DCAF6: variants seen among roughly 807,000 people sequenced by gnomAD.
The protein encoded by DCAF6 is DDB1- and CUL4-associated factor 6.
DCAF6 carries 54 observed loss-of-function variants against 125.1 expected under a neutral mutation model. The observed-to-expected ratio is 0.43, with a 90% CI of 0.35 to 0.54. The LOEUF (loss-of-function observed/expected upper bound fraction) is 0.54. Among genes scored for constraint, DCAF6 ranks in the 20% least tolerant of loss-of-function variants. The pLI is 0.01. For synonymous variants in DCAF6, 371 were observed against 390.4 expected (o/e 0.95, Z 0.58); for missense variants, 934 against 1,161.7 (o/e 0.80, Z 2.85).
At chr1:168,000,725 A>G (rs1187957995) in intron 7 of DCAF6, among the ~76,000 whole-genome samples, 1 of 152,154 alleles carries the variant, frequency 6.6e-6, no homozygotes, top group African/African-American at 2.4e-5. Context: ...CATAATACTA[A>G]GTGAAAGAAA....
intron 1 of DCAF6, among the ~76,000 whole-genome samples, chr1:167,943,270 T>C (rs575706831): frequency 1.3e-5 from 2 of 152,194 alleles, no homozygotes; most frequent in Non-Finnish European, 2.9e-5. Flanking sequence ...CCTTTCTATT[T>C]CCATAAAAAT....
intron 17 of DCAF6, among the ~76,000 whole-genome samples, chr1:168,052,383 A>G (rs149365447): frequency 9.2e-5 from 14 of 152,316 alleles, no homozygotes; most frequent in Admixed American, 4.6e-4. Flanking sequence ...ATTATCATGA[A>G]CTGATAAACA....
intron 1 of DCAF6, among the ~76,000 whole-genome samples, chr1:167,937,457 G>A (rs1671465951): frequency 6.6e-6 from 1 of 152,136 alleles, no homozygotes; most frequent in Non-Finnish European, 1.5e-5. Flanking sequence ...GCGACGCGTT[G>A]ACCACCCTCA....
At chr1:167,904,571 A>G in the DCAF6 span, 1 of 400,930 alleles carries the variant, frequency 2.5e-6, no homozygotes, top group Non-Finnish European at 4.4e-6. Context: ...TAAAATTTTC[A>G]TTCCGTGGTA....
At chr1:167,951,901 A>G (rs771003822) in intron 2 of DCAF6, 40 bp downstream of exon 2, 4 of 1,390,900 alleles carry the variant, frequency 2.9e-6, no homozygotes, top group Admixed American at 3.5e-5. Context: ...GGGATTTGAT[A>G]CTAAGTGTTT....
intron 2 of DCAF6, among the ~76,000 whole-genome samples, chr1:167,958,499 G>A (rs1675109035): frequency 6.6e-6 from 1 of 151,944 alleles, no homozygotes; most frequent in African/African-American, 2.4e-5. Context: ...ACATTGATCT[G>A]TATGTGTTTG....
intron 5 of DCAF6, among the ~76,000 whole-genome samples, chr1:167,988,889 G>A (rs1265809372): frequency 6.6e-6 from 1 of 152,056 alleles, no homozygotes; most frequent in Non-Finnish European, 1.5e-5. Context: ...GACCAGCCTG[G>A]TCAACATAGT....
chr1:167,891,475 T>C, the DCAF6 span, among the ~76,000 whole-genome samples: 1 of 151,244 alleles, frequency 6.6e-6, no homozygotes, highest in Non-Finnish European at 1.5e-5. Context: ...GCTAACACGG[T>C]GAAACCCTGT....
chr1:167,906,017 TG>T, the DCAF6 span, among the ~76,000 whole-genome samples: 1 of 152,216 alleles, frequency 6.6e-6, no homozygotes, highest in Non-Finnish European at 1.5e-5. Context: ...TAAGAGGATT[TG>T]TTTTTTTAAG....
chr1:167,870,880 A>G, the DCAF6 span, among the ~76,000 whole-genome samples: 1 of 151,952 alleles, frequency 6.6e-6, no homozygotes, highest in South Asian at 2.1e-4. Flanking sequence ...GCACTTTCAA[A>G]ATTGTTTAAA....
At chr1:168,068,749 G>A (rs1284015475) in intron 21 of DCAF6, among the ~76,000 whole-genome samples, 1 of 152,050 alleles carries the variant, frequency 6.6e-6, no homozygotes, top group Non-Finnish European at 1.5e-5. Context: ...ATATTATCGT[G>A]CATATTCTTT....
intron 4 of DCAF6, among the ~76,000 whole-genome samples, chr1:167,977,494 C>T (rs866466424): frequency 1.4e-4 from 21 of 151,952 alleles, no homozygotes; most frequent in African/African-American, 4.6e-4. Flanking sequence ...TGTTTCTTTT[C>T]CTTGACTACT....
the DCAF6 span, among the ~76,000 whole-genome samples, chr1:167,877,799 A>G: frequency 6.0e-4 from 92 of 152,316 alleles, no homozygotes; most frequent in African/African-American, 2.2e-3. Flanking sequence ...GCTGGGTTTC[A>G]AAAATTGACT....
At chr1:168,026,804 C>A (rs1024999983) in intron 12 of DCAF6, among the ~76,000 whole-genome samples, 4 of 151,426 alleles carry the variant, frequency 2.6e-5, no homozygotes, top group Non-Finnish European at 4.4e-5. Context: ...CTGGAAGTCA[C>A]CAAAGTGATC....
rs147782361 is a variant in DCAF6, at chr1:167,965,881, C to T, written c.160-748C>T. ...AACCTCTGACATCAGGTGATCCACC[C>T]GCTTTGGCCTCCCAAAGTGCTGGGA... On this transcript the variant is annotated intron_variant, in intron 2 of 21. Transcript: ENST00000367840. 8.8e-3 allele frequency among the ~76,000 whole-genome samples: 1,342 copies of T among 152,234 alleles called. 17 individuals are homozygous for T. The highest frequency in any genetic ancestry group is 0.031 in the African/African-American group (1,282 of 41,538).
the DCAF6 span, among the ~76,000 whole-genome samples, chr1:167,919,119 C>A: frequency 2.6e-5 from 4 of 152,274 alleles, no homozygotes; most frequent in East Asian, 7.7e-4. Flanking sequence ...AAAGTAATCA[C>A]TAAAGTAAAA....
intron 1 of DCAF6, among the ~76,000 whole-genome samples, chr1:167,942,619 G>T (rs1178901681): frequency 2.6e-5 from 4 of 151,796 alleles, no homozygotes; most frequent in Non-Finnish European, 5.9e-5. Flanking sequence ...CCTAATCCAA[G>T]GTAACAAAGA....
intron 10 of DCAF6, among the ~76,000 whole-genome samples, chr1:168,010,319 G>T (rs570364479): frequency 6.6e-6 from 1 of 151,990 alleles, no homozygotes; most frequent in African/African-American, 2.4e-5. Flanking sequence ...GGTGAATATG[G>T]GTATGAAAAT....
intron 15 of DCAF6, 60 bp from the exon 16 acceptor site, chr1:168,044,840 G>A (rs190538748): frequency 6.4e-7 from 1 of 1,557,104 alleles, no homozygotes; most frequent in African/African-American, 1.4e-5. Context: ...CCTAAGTTAG[G>A]TTAAATAATT....
Sources: gnomAD v4.1 joint callset for allele counts (sites outside exome capture counted in the v4.1 genomes callset) on GRCh38, gnomAD v4.1.1 for gene constraint, MANE v1.5 for transcripts, NCBI Gene and HGNC (gene_info 2026-07-23, HGNC 2026-07-21) for gene names.